TSNARE1: variants seen among roughly 807,000 people sequenced by gnomAD.
TSNARE1 encodes t-SNARE domain containing 1.
A neutral mutation model predicts 62.0 loss-of-function variants in TSNARE1; 49 were observed. That is an observed-to-expected ratio of 0.79 (90% CI 0.63 to 1.00). TSNARE1 has a LOEUF of 1.00. Ranked by LOEUF, TSNARE1 falls within the 50% of genes least tolerant of loss-of-function variation. TSNARE1 has a pLI of 0.00. For synonymous variants in TSNARE1, 328 were observed against 294.4 expected (o/e 1.11, Z -1.17); for missense variants, 755 against 700.1 (o/e 1.08, Z -0.88).
At chr8:142,376,380 G>T (rs184260990) in intron 1 of TSNARE1, among the ~76,000 whole-genome samples, 1 of 152,208 alleles carries the variant, frequency 6.6e-6, no homozygotes, top group African/African-American at 2.4e-5. Flanking sequence ...CCTCTAAGGC[G>T]ATGGCGTTAG....
chr8:142,402,821 G>C (rs1377150010), intron 1 of TSNARE1: 2 of 152,144 alleles, frequency 1.3e-5, no homozygotes, highest in East Asian at 3.9e-4. Context: ...AGGACCCGCC[G>C]AGGGGCTCAT....
At chr8:142,259,564 C>T (rs1283832592) in intron 12 of TSNARE1, among the ~76,000 whole-genome samples, 1 of 152,216 alleles carries the variant, frequency 6.6e-6, no homozygotes, top group Non-Finnish European at 1.5e-5. Flanking sequence ...TCTCTGTACC[C>T]GCGGACACTG....
At chr8:142,308,812 G>A (rs1265026663) in intron 9 of TSNARE1, among the ~76,000 whole-genome samples, 3 of 152,112 alleles carry the variant, frequency 2.0e-5, no homozygotes, top group Non-Finnish European at 4.4e-5. Flanking sequence ...AAAACCTGCT[G>A]GAACCTTATT....
chr8:142,263,815 T>A (rs1004369267), intron 12 of TSNARE1, among the ~76,000 whole-genome samples: 1 of 152,222 alleles, frequency 6.6e-6, no homozygotes, highest in African/African-American at 2.4e-5. Flanking sequence ...ATGTCTGCTC[T>A]TTCTCTCCTG....
At chr8:142,255,900 T>C (rs1218301931) in intron 12 of TSNARE1, among the ~76,000 whole-genome samples, 59 of 706 alleles carry the variant, frequency 0.084, no homozygotes, top group African/African-American at 0.078. Flanking sequence ...CCACCACCAC[T>C]GTCACCATCA....
chr8:142,315,638 C>A (rs956748040), intron 7 of TSNARE1, among the ~76,000 whole-genome samples: 10 of 151,720 alleles, frequency 6.6e-5, no homozygotes, highest in Non-Finnish European at 1.5e-4. Context: ...GGGCTGGACA[C>A]GCACGGAGCC....
intron 1 of TSNARE1, among the ~76,000 whole-genome samples, chr8:142,392,492 G>A (rs971655315): frequency 1.3e-5 from 2 of 152,192 alleles, no homozygotes; most frequent in Non-Finnish European, 2.9e-5. Context: ...CCACACACAC[G>A]TGAGTGATAC....
chr8:142,389,323 A>T (rs1837319932), intron 1 of TSNARE1, among the ~76,000 whole-genome samples: 1 of 152,256 alleles, frequency 6.6e-6, no homozygotes, highest in Non-Finnish European at 1.5e-5. Flanking sequence ...AAAGCTCCAC[A>T]ACGTCAGTCT....
At chr8:142,335,563 T>A (rs1463784650) in intron 4 of TSNARE1, among the ~76,000 whole-genome samples, 1 of 146,862 alleles carries the variant, frequency 6.8e-6, no homozygotes, top group African/African-American at 2.5e-5. Context: ...TTAGTGGAGA[T>A]AAAATGGAAT....
chr8:142,313,012 G>C (rs888947176), intron 9 of TSNARE1, among the ~76,000 whole-genome samples: 1 of 152,200 alleles, frequency 6.6e-6, no homozygotes, highest in East Asian at 1.9e-4. Context: ...CTATCTGTGT[G>C]TCTCTGGGTG....
chr8:142,364,749 T>C (rs1473206373), intron 1 of TSNARE1, among the ~76,000 whole-genome samples: 1 of 152,210 alleles, frequency 6.6e-6, no homozygotes, highest in Non-Finnish European at 1.5e-5. Flanking sequence ...TGGCCAAATC[T>C]GGACAATCTG....
chr8:142,267,454 T>C (rs552184031), intron 12 of TSNARE1, among the ~76,000 whole-genome samples: 1 of 152,352 alleles, frequency 6.6e-6, no homozygotes, highest in South Asian at 2.1e-4. Context: ...TCACCTGGAA[T>C]GCAGCACTGC....
At chr8:142,289,773 G>T (rs1045305490) in intron 10 of TSNARE1, among the ~76,000 whole-genome samples, 2 of 152,236 alleles carry the variant, frequency 1.3e-5, no homozygotes, top group African/African-American at 4.8e-5. Flanking sequence ...ACTTACTGGG[G>T]ATTCTCCTTC....
chr8:142,383,149 A>T (rs1015251371), intron 1 of TSNARE1, among the ~76,000 whole-genome samples: 1 of 152,178 alleles, frequency 6.6e-6, no homozygotes, highest in Non-Finnish European at 1.5e-5. Context: ...GCAGCCTCAG[A>T]AACAGGGGTG....
intron 1 of TSNARE1, among the ~76,000 whole-genome samples, chr8:142,365,109 G>T (rs1835436708): frequency 6.6e-6 from 1 of 152,150 alleles, no homozygotes; most frequent in Admixed American, 6.5e-5. Flanking sequence ...TTAATCAAAT[G>T]ATCTAAGTCA....
At position 142,357,950 on chromosome 8, in the gene TSNARE1, GCGGCGGGGTCTGCTGGGTTT is replaced by G. The variant is rs1169216874; in HGVS notation, c.-39-3207_-39-3188del. Among the ~76,000 whole-genome samples the G allele has an allele frequency of 1.8e-4, 27 of 152,178 alleles. 6 individuals are homozygous for G. The highest frequency in any genetic ancestry group is 6.3e-4 in the African/African-American group (26 of 41,462). On this transcript the variant is annotated intron_variant, in intron 1 of 13. Coordinates refer to ENST00000524325, the MANE Select transcript of TSNARE1 (RefSeq NM_145003.5). Reference sequence around the variant, plus strand: ...CGGCCAGCGGCCATCACTGCAAAGGGCGGCGGGGTCTGCTGGGTTTCAGGACAAGGGGAGCAGCCAGCGGC... The same window carrying G: ...CGGCCAGCGGCCATCACTGCAAAGGGCAGGACAAGGGGAGCAGCCAGCGGC...
chr8:142,325,739 A>C (rs1418911221), intron 6 of TSNARE1, among the ~76,000 whole-genome samples: 2 of 152,208 alleles, frequency 1.3e-5, no homozygotes, highest in Non-Finnish European at 2.9e-5. Context: ...GGGATATGCA[A>C]CACCACCAAG....
rs890270498 is a variant in TSNARE1, at chr8:142,291,752, C to A, written c.1291-7267G>T. Among the ~76,000 whole-genome samples, 4 of 152,074 alleles carry A rather than the reference C, an allele frequency of 2.6e-5. No individual in the cohort carries two copies. The highest frequency in any genetic ancestry group is 5.9e-5 in the Non-Finnish European group (4 of 67,994). On this transcript the variant is annotated intron_variant, in intron 10 of 13. Transcript: ENST00000524325. This position sits in a 1 kb window ranked among gnomAD's most constrained non-coding sequence, Gnocchi z 4.8. The stretch of plus-strand genomic sequence containing the variant: ...GGAGCGGCAGGGGTTAGAGGACACC[C>A]CTGGAGTCAGGGCCTGCCAGTGAAA...
intron 1 of TSNARE1, among the ~76,000 whole-genome samples, chr8:142,369,686 G>A (rs1420848817): frequency 4.6e-5 from 7 of 152,116 alleles, no homozygotes; most frequent in Non-Finnish European, 1.0e-4. Context: ...AACACCAGAT[G>A]GAAATGAAGA....
Sources: allele counts gnomAD v4.1 joint callset (sites outside exome capture counted in the v4.1 genomes callset), GRCh38; gene constraint gnomAD v4.1.1; non-coding constraint Gnocchi (gnomAD v3.1); transcripts MANE v1.5; gene names NCBI Gene and HGNC (gene_info 2026-07-23, HGNC 2026-07-21).